Variants in XRCC4 observed in about 807,000 individuals in gnomAD.
XRCC4 encodes X-ray repair cross complementing 4, also known as DNA repair protein XRCC4.
XRCC4 carries 28 observed loss-of-function variants against 39.1 expected under a neutral mutation model. The observed-to-expected ratio is 0.72, with a 90% confidence interval of 0.53 to 0.98. The LOEUF (loss-of-function observed/expected upper bound fraction) is 0.98. Among genes scored for constraint, XRCC4 ranks in the 50% least tolerant of loss-of-function variants. The pLI is 0.00. For synonymous variants in XRCC4, 123 were observed against 126.4 expected (o/e 0.97, Z 0.18); for missense variants, 350 against 376.4 (o/e 0.93, Z 0.58).
At chr5:83,363,746 G>C in the XRCC4 span, among the ~76,000 whole-genome samples, 1 of 152,178 alleles carries the variant, frequency 6.6e-6, no homozygotes, top group Non-Finnish European at 1.5e-5. Context: ...CTTTAGAAGT[G>C]ATTTGGAGAG....
At chr5:83,129,475 A>G (rs989559067) in intron 3 of XRCC4, among the ~76,000 whole-genome samples, 1 of 152,052 alleles carries the variant, frequency 6.6e-6, no homozygotes, top group Non-Finnish European at 1.5e-5. Context: ...TTTTGGTTCC[A>G]TATGAACTTT....
At chr5:83,281,674 C>T (rs999877720) in intron 7 of XRCC4, among the ~76,000 whole-genome samples, 1 of 152,102 alleles carries the variant, frequency 6.6e-6, no homozygotes. Flanking sequence ...CAAAGTTTTA[C>T]CCCCTTATGT....
At chr5:83,236,954 A>G (rs1444238470) in intron 6 of XRCC4, among the ~76,000 whole-genome samples, 2 of 152,178 alleles carry the variant, frequency 1.3e-5, no homozygotes, top group African/African-American at 4.8e-5. Flanking sequence ...CCAAAGGTAT[A>G]TGGAATGATG....
chr5:83,229,408 C>A (rs1752409997), intron 6 of XRCC4, among the ~76,000 whole-genome samples: 1 of 151,462 alleles, frequency 6.6e-6, no homozygotes, highest in African/African-American at 2.4e-5. Flanking sequence ...TTTCTGCAGC[C>A]AGTAACAGTG....
At chr5:83,305,277 G>A (rs115188811) in intron 7 of XRCC4, among the ~76,000 whole-genome samples, 5,635 of 152,074 alleles carry the variant, frequency 0.037, 338 homozygotes, top group African/African-American at 0.13. Context: ...AAAGCCCACA[G>A]TAACTTCAGG....
chr5:83,284,619 C>T (rs1255564690), intron 7 of XRCC4, among the ~76,000 whole-genome samples: 1 of 151,950 alleles, frequency 6.6e-6, no homozygotes, highest in African/African-American at 2.4e-5. Context: ...AGCATAGAAG[C>T]TCATAGATGT....
intron 4 of XRCC4, among the ~76,000 whole-genome samples, chr5:83,199,056 G>A (rs1358439562): frequency 2.0e-5 from 3 of 152,040 alleles, no homozygotes; most frequent in Non-Finnish European, 4.4e-5. Context: ...ACCCATAATT[G>A]GAGGCAGTTT....
chr5:83,214,852 T>C (rs2386244), intron 6 of XRCC4, among the ~76,000 whole-genome samples: 1 of 143,358 alleles, frequency 7.0e-6, no homozygotes, highest in Non-Finnish European at 1.5e-5. Flanking sequence ...AAAAAAATAA[T>C]AATAATAAAA....
the XRCC4 span, among the ~76,000 whole-genome samples, chr5:83,368,089 A>AAAT: frequency 6.6e-6 from 1 of 151,558 alleles, no homozygotes; most frequent in African/African-American, 2.4e-5. Context: ...AAAAAAAAAA[A>AAAT]GGAGTTGCTG....
chr5:83,191,229 A>C (rs1294417837), intron 3 of XRCC4, among the ~76,000 whole-genome samples: 2 of 152,352 alleles, frequency 1.3e-5, no homozygotes, highest in Non-Finnish European at 2.9e-5. Context: ...AAGACTAGAG[A>C]GGCCAATGTA....
At chr5:83,272,906 T>G (rs1754193155) in intron 7 of XRCC4, among the ~76,000 whole-genome samples, 1 of 152,232 alleles carries the variant, frequency 6.6e-6, no homozygotes, top group Admixed American at 6.5e-5. Flanking sequence ...TGTGTCTTTA[T>G]AGTAGAATGA....
At chr5:83,358,276 C>G (rs1165947121), downstream of XRCC4, among the ~76,000 whole-genome samples, 1 of 152,120 alleles carries the variant, frequency 6.6e-6, no homozygotes, top group Non-Finnish European at 1.5e-5. Flanking sequence ...CTGTTCCTGA[C>G]TCCCAACTCC....
intron 3 of XRCC4, among the ~76,000 whole-genome samples, chr5:83,143,344 A>G (rs879152775): frequency 6.6e-6 from 1 of 152,194 alleles, no homozygotes; most frequent in Admixed American, 6.5e-5. Flanking sequence ...ATTTTAAAGG[A>G]ATGTACTACT....
chr5:83,240,543 A>G (rs767164760), intron 6 of XRCC4, among the ~76,000 whole-genome samples: 2 of 152,210 alleles, frequency 1.3e-5, no homozygotes, highest in Non-Finnish European at 2.9e-5. Flanking sequence ...AGCTTAAACT[A>G]ATAGGTAGAT....
At chr5:83,082,290 T>G (rs1294554585) in intron 1 of XRCC4, among the ~76,000 whole-genome samples, 1 of 152,202 alleles carries the variant, frequency 6.6e-6, no homozygotes, top group Non-Finnish European at 1.5e-5. Context: ...ATGCAATATG[T>G]TATGCTAGAT....
chr5:83,157,497 TAAAA>T (rs763758146), intron 3 of XRCC4, among the ~76,000 whole-genome samples: 14 of 151,418 alleles, frequency 9.2e-5, no homozygotes, highest in African/African-American at 3.4e-4. Flanking sequence ...TCAAATAAAA[TAAAA>T]AAAACATGAA....
chr5:83,360,632 C>A, the XRCC4 span, among the ~76,000 whole-genome samples: 7 of 152,022 alleles, frequency 4.6e-5, no homozygotes, highest in African/African-American at 1.7e-4. Context: ...AGAGTCAAAT[C>A]TCTGCTATGA....
intron 6 of XRCC4, among the ~76,000 whole-genome samples, chr5:83,205,966 G>A (rs751329200): frequency 3.3e-5 from 5 of 152,040 alleles, no homozygotes; most frequent in Admixed American, 6.6e-5. Flanking sequence ...AGTTCCTGAC[G>A]CGTTTAAGCA....
At chr5:83,118,704 A>C (rs1746857840) in intron 3 of XRCC4, among the ~76,000 whole-genome samples, 1 of 152,184 alleles carries the variant, frequency 6.6e-6, no homozygotes, top group Non-Finnish European at 1.5e-5. Context: ...GTGAAATGTG[A>C]TCTTCAGCTG....
Sources: gnomAD v4.1 joint callset for allele counts (sites outside exome capture counted in the v4.1 genomes callset) on GRCh38, gnomAD v4.1.1 for gene constraint, MANE v1.5 for transcripts, NCBI Gene and HGNC (gene_info 2026-07-23, HGNC 2026-07-21) for gene names.